The following BARX2 variants were observed in gnomAD, a reference collection of about 807,000 sequenced individuals.
BARX2 encodes the protein homeobox protein BarH-like 2.
A neutral mutation model predicts 25.5 loss-of-function variants in BARX2; 11 were observed. That is an observed-to-expected ratio of 0.43 (90% CI 0.27 to 0.71). BARX2 has a LOEUF of 0.71. Ranked by LOEUF, BARX2 falls within the 30% of genes least tolerant of loss-of-function variation. BARX2 has a pLI of 0.19. For missense variants in BARX2, 360 were observed against 359.9 expected, an observed-to-expected ratio of 1.00 and a Z score of 0.00; for synonymous variants, 137 against 149.5, an observed-to-expected ratio of 0.92 and a Z score of 0.61.
At chr11:129,437,344 T>C in intron 2 of BARX2, 1 of 683,976 alleles carries the variant, frequency 1.5e-6, no homozygotes, top group Admixed American at 5.1e-5. Context: ...AAATGGTTGC[T>C]CAGGCGGTCA....
At chr11:129,393,115 A>G (rs1210366639) in intron 1 of BARX2, among the ~76,000 whole-genome samples, 1 of 152,026 alleles carries the variant, frequency 6.6e-6, no homozygotes, top group Non-Finnish European at 1.5e-5. Flanking sequence ...TACTGAAAAT[A>G]AAAATTAAAA....
intron 2 of BARX2, among the ~76,000 whole-genome samples, chr11:129,441,558 C>T (rs1862259462): frequency 6.6e-6 from 1 of 152,216 alleles, no homozygotes; most frequent in Admixed American, 6.5e-5. Context: ...AAGCACTTCT[C>T]TTGCCTCAGC....
Position 129,410,033 on chromosome 11 carries a change from A to G in BARX2, c.188-26718A>G, listed in dbSNP as rs563758710. ...TATGGGCCTTAATAGCCTCATCTATAAAATGGAATTATTGATGGTACCTTT... is the reference window on the plus strand; with the variant it reads ...TATGGGCCTTAATAGCCTCATCTATGAAATGGAATTATTGATGGTACCTTT... On this transcript the variant is annotated intron_variant, in intron 1 of 3. Coordinates refer to ENST00000281437, the MANE Select transcript of BARX2 (RefSeq NM_003658.5). Among the ~76,000 whole-genome samples, 22 of 152,298 alleles carry G rather than the reference A, an allele frequency of 1.4e-4. No homozygotes were observed. In the South Asian group the frequency reaches 4.6e-3, roughly 32 times the overall value.
In BARX2 at chr11:129,394,474, C is replaced by T. The variant is rs141154594; in HGVS notation, c.187+18252C>T. On this transcript the variant is annotated intron_variant, in intron 1 of 3. Transcript: ENST00000281437. ...AACAGATGTAGTTTTTATTTTAGGACGCATGCTAACTACCTATGAAGTGGG... is the reference window on the plus strand; with the variant it reads ...AACAGATGTAGTTTTTATTTTAGGATGCATGCTAACTACCTATGAAGTGGG... Among the ~76,000 whole-genome samples the T allele has an allele frequency of 1.2e-3, 176 of 152,160 alleles. 3 individuals carry two copies. The East Asian group carries it at 0.024, about 21-fold the overall frequency.
At chr11:129,427,413 A>G (rs1438036473) in intron 1 of BARX2, among the ~76,000 whole-genome samples, 2 of 152,138 alleles carry the variant, frequency 1.3e-5, no homozygotes, top group East Asian at 1.9e-4. Context: ...AAACTCAGCT[A>G]TAGCTGCCCA....
chr11:129,446,020 A>C (rs548252042), intron 3 of BARX2, among the ~76,000 whole-genome samples: 17 of 152,332 alleles, frequency 1.1e-4, no homozygotes, highest in Non-Finnish European at 1.9e-4. Context: ...GCCAAGGGTA[A>C]CTTTGCCAGA....
chr11:129,410,442 T>C (rs188216957), intron 1 of BARX2, among the ~76,000 whole-genome samples: 364 of 152,366 alleles, frequency 2.4e-3, no homozygotes, highest in Non-Finnish European at 3.7e-3. Flanking sequence ...CAGTTTCCTT[T>C]TTTCCACCTG....
intron 2 of BARX2, among the ~76,000 whole-genome samples, chr11:129,441,453 T>TTTA (rs1352318786): frequency 6.6e-6 from 1 of 152,162 alleles, no homozygotes; most frequent in Non-Finnish European, 1.5e-5. Flanking sequence ...TTTATTTTTA[T>TTTA]TTATTTATTT....
chr11:129,399,633 G>C (rs1237548650), intron 1 of BARX2, among the ~76,000 whole-genome samples: 1 of 152,308 alleles, frequency 6.6e-6, no homozygotes, highest in Middle Eastern at 3.4e-3. Context: ...TACAGCAGCA[G>C]CAGAGGGACG....
At chr11:129,385,055 A>G (rs1301499053) in intron 1 of BARX2, among the ~76,000 whole-genome samples, 6 of 152,234 alleles carry the variant, frequency 3.9e-5, no homozygotes, top group Non-Finnish European at 4.4e-5. Context: ...TAAACATGAA[A>G]GGATGCTCAA....
chr11:129,397,280 C>CAAA (rs35729336), intron 1 of BARX2, among the ~76,000 whole-genome samples: 1 of 111,160 alleles, frequency 9.0e-6, no homozygotes, highest in African/African-American at 3.3e-5. Flanking sequence ...ACCCTGTCTC[C>CAAA]AAAAAAAAAA....
At chr11:129,433,640 T>G (rs1862153888) in intron 1 of BARX2, among the ~76,000 whole-genome samples, 1 of 152,136 alleles carries the variant, frequency 6.6e-6, no homozygotes, top group Non-Finnish European at 1.5e-5. Flanking sequence ...CTGTGCTGGT[T>G]CTGGGGCTGG....
chr11:129,403,868 A>T (rs1011132819), intron 1 of BARX2, among the ~76,000 whole-genome samples: 4 of 152,030 alleles, frequency 2.6e-5, no homozygotes, highest in Non-Finnish European at 5.9e-5. Flanking sequence ...GGGACTACAG[A>T]TGTGTGCTGC....
intron 1 of BARX2, among the ~76,000 whole-genome samples, chr11:129,393,073 C>A (rs1052094420): frequency 6.6e-6 from 1 of 151,960 alleles, no homozygotes; most frequent in African/African-American, 2.4e-5. Flanking sequence ...GAATTTGAGA[C>A]CAGCCTGGGC....
chr11:129,420,962 G>A (rs192182078), intron 1 of BARX2, among the ~76,000 whole-genome samples: 10 of 152,120 alleles, frequency 6.6e-5, no homozygotes, highest in African/African-American at 1.7e-4. Flanking sequence ...CCTCATTTAC[G>A]GATGAGGAAT....
At chr11:129,375,538 G>T (rs1591421759), upstream of BARX2, among the ~76,000 whole-genome samples, 1 of 152,210 alleles carries the variant, frequency 6.6e-6, no homozygotes, top group East Asian at 1.9e-4. The surrounding 1 kb of genome is among the most constrained non-coding windows in gnomAD (Gnocchi z 4.0). Flanking sequence ...GGCGGTGCGC[G>T]CTCCCCGCAC....
Position 129,424,107 on chromosome 11 carries a change from C to G in BARX2, c.188-12644C>G, listed in dbSNP as rs536058844. Reference sequence around the variant, plus strand: ...TTGTGATCCTCCCACCTTGGCCTCCCAAAGTGTTGGGATTACAGGCATGAG... The same window carrying G: ...TTGTGATCCTCCCACCTTGGCCTCCGAAAGTGTTGGGATTACAGGCATGAG... On this transcript the variant is annotated intron_variant, in intron 1 of 3. Coordinates refer to ENST00000281437, the MANE Select transcript of BARX2 (RefSeq NM_003658.5). Among the ~76,000 whole-genome samples, 4 of 152,348 alleles carry G rather than the reference C, an allele frequency of 2.6e-5. No individual in the cohort carries two copies. The East Asian group carries it at 7.7e-4, about 29-fold the overall frequency.
intron 1 of BARX2, among the ~76,000 whole-genome samples, chr11:129,392,673 A>G (rs909199147): frequency 3.3e-5 from 5 of 151,780 alleles, no homozygotes; most frequent in Admixed American, 6.6e-5. Context: ...GGGCAGTGGT[A>G]TGATCTCGGC....
At chr11:129,412,271 C>CA (rs112111155) in intron 1 of BARX2, among the ~76,000 whole-genome samples, 2,599 of 116,032 alleles carry the variant, frequency 0.022, 32 homozygotes, top group Middle Eastern at 0.042. Context: ...GAATCCATCT[C>CA]AAAAAAAAAA....
Sources: allele counts gnomAD v4.1 joint callset (sites outside exome capture counted in the v4.1 genomes callset), GRCh38; gene constraint gnomAD v4.1.1; non-coding constraint Gnocchi (gnomAD v3.1); transcripts MANE v1.5; gene names NCBI Gene and HGNC (gene_info 2026-07-23, HGNC 2026-07-21).